PTCHD1: variants seen among roughly 807,000 people sequenced by gnomAD.
PTCHD1 encodes patched domain containing 1.
PTCHD1 carries 3 observed loss-of-function variants against 34.6 expected under a neutral mutation model. That is an observed-to-expected ratio of 0.09 (90% CI 0.04 to 0.22). The LOEUF (loss-of-function observed/expected upper bound fraction) is 0.22. PTCHD1 is among the 10% of genes least tolerant of loss of function. The pLI is 1.00. For synonymous variants in PTCHD1, 305 were observed against 283.1 expected, an observed-to-expected ratio of 1.08 and a Z score of -0.77; for missense variants, 504 against 685.5, an observed-to-expected ratio of 0.74 and a Z score of 2.96.
rs753716971 is a variant in PTCHD1, at chrX:23,335,178, C to A, written c.303C>A (p.Phe101Leu). 2.5e-6 allele frequency: 3 copies of A among 1,211,949 alleles called. No homozygotes were observed. The highest frequency in any genetic ancestry group is 2.2e-6 in the Non-Finnish European group (2 of 895,250). Residue 101 changes from phenylalanine (F) to leucine (L), a missense_variant, in exon 1 of 3, where the codon TTC becomes TTA. By Grantham distance (22) the Phe-to-Leu change is conservative. Coordinates refer to ENST00000379361, the MANE Select transcript of PTCHD1 (RefSeq NM_173495.3). ...ACGGCCGGGTCATCGTCACCTCCTTCCAGAAAGCCAACATGCTGGACCAGC... is the reference window on the plus strand; with the variant it reads ...ACGGCCGGGTCATCGTCACCTCCTTACAGAAAGCCAACATGCTGGACCAGC... Reference protein sequence around the residue: ...GRYGRVIVTSFQKANMLDQHH... With the variant: ...GRYGRVIVTSLQKANMLDQHH...
chrX:23,342,214 A>C (rs1921327452), intron 1 of PTCHD1, among the ~76,000 whole-genome samples: 1 of 100,095 alleles, frequency 1.0e-5, no homozygotes, highest in Admixed American at 1.1e-4. Flanking sequence ...GGCTGATTCA[A>C]CTACATTTAG....
At chrX:23,337,806 T>C (rs936981230) in intron 1 of PTCHD1, among the ~76,000 whole-genome samples, 1 of 110,527 alleles carries the variant, frequency 9.0e-6, no homozygotes, top group Non-Finnish European at 1.9e-5. Flanking sequence ...TGTAGGGCTG[T>C]GTAGGGTGTT....
intron 1 of PTCHD1, chrX:23,351,178 T>C (rs1921623501): frequency 6.0e-6 from 4 of 669,724 alleles, no homozygotes; most frequent in Non-Finnish European, 9.6e-6. Context: ...CCAAACTCCA[T>C]CTGTTGCTCA....
chrX:23,364,371 GACACACACACACACACACAC>G (rs200572986), intron 1 of PTCHD1, among the ~76,000 whole-genome samples: 29 of 91,994 alleles, frequency 3.2e-4, no homozygotes, highest in South Asian at 1.1e-3. Flanking sequence ...GAAGAGTGTA[GACACACACACACACACACAC>G]ACACACACAC....
rs752692580 is a variant in PTCHD1, at chrX:23,334,891, C to T, written c.16C>T (p.Leu6=). Residue 6 remains leucine, a synonymous_variant, in exon 1 of 3, where the codon CTG becomes TTG. Coordinates refer to ENST00000379361, the MANE Select transcript of PTCHD1 (RefSeq NM_173495.3). MLRQV[L]HRGLRTCFSR... Reference sequence around the variant, plus strand: ...CTGCTCTAGGATGCTGCGGCAGGTTCTGCACAGGGGCTTGAGGACGTGTTT... The same window carrying T: ...CTGCTCTAGGATGCTGCGGCAGGTTTTGCACAGGGGCTTGAGGACGTGTTT... The T allele has an allele frequency of 1.7e-6, 2 of 1,199,122 alleles. No homozygotes were observed. Among genetic ancestry groups the T allele is most frequent in the African/African-American group, 1.7e-5 (1 of 57,445 alleles).
intron 1 of PTCHD1, chrX:23,351,024 C>T: frequency 5.7e-6 from 2 of 349,227 alleles, no homozygotes; most frequent in Non-Finnish European, 1.0e-5. Flanking sequence ...GCTCTGTCTA[C>T]TTTTCCTATC....
intron 1 of PTCHD1, among the ~76,000 whole-genome samples, chrX:23,354,426 T>TAC (rs1341256634): frequency 3.4e-5 from 3 of 89,274 alleles, no homozygotes; most frequent in Admixed American, 1.2e-4. Context: ...CAGCTTATTT[T>TAC]ACACAGAGAG....
Position 23,395,546 on chromosome X carries a change from A to C in PTCHD1, c.*1361A>C, listed in dbSNP as rs1490811793. 1 of 111,573 alleles carries C rather than the reference A, an allele frequency of 9.0e-6. No individual in the cohort carries two copies. Among genetic ancestry groups the C allele is most frequent in the South Asian group, 3.8e-4 (1 of 2,609 alleles). The allele number at this position is 111,573 out of a possible 1,213,427, so 9.2% of individuals were successfully genotyped here. Reference sequence around the variant, plus strand: ...TTTTTTGATGTCCTTCTGCGTCATCATAGCAAGGCCCTTCTGTAAATTAAC... The same window carrying C: ...TTTTTTGATGTCCTTCTGCGTCATCCTAGCAAGGCCCTTCTGTAAATTAAC... On this transcript the variant is annotated 3_prime_UTR_variant, in exon 3 of 3. Transcript: ENST00000379361.
At chrX:23,362,391 A>G (rs1922012613) in intron 1 of PTCHD1, among the ~76,000 whole-genome samples, 1 of 111,795 alleles carries the variant, frequency 8.9e-6, no homozygotes, top group Admixed American at 9.5e-5. Context: ...GCTTTATTTC[A>G]TTAATTTGAT....
chrX:23,391,498 A>G (rs1432414669), intron 2 of PTCHD1, among the ~76,000 whole-genome samples: 2 of 111,284 alleles, frequency 1.8e-5, no homozygotes, highest in African/African-American at 6.5e-5. Flanking sequence ...CTTCACTCCT[A>G]CTTATTTTGC....
intron 1 of PTCHD1, among the ~76,000 whole-genome samples, chrX:23,356,028 CTTTT>C (rs1366324106): frequency 8.9e-6 from 1 of 111,787 alleles, no homozygotes; most frequent in East Asian, 2.8e-4. Context: ...TGTTTGTTTG[CTTTT>C]TTGTTTGCTT....
chrX:23,392,763 C>G lies in PTCHD1; in HGVS notation c.1245C>G (p.Leu415=). 3.3e-6 allele frequency: 4 copies of G among 1,211,242 alleles called. No individual in the cohort carries two copies. Among genetic ancestry groups the G allele is most frequent in the East Asian group, 3.0e-5 (1 of 33,862 alleles). ...NSCIAIFFNY[L]YVLSFYGSSL... ...GTATTGCAATCTTCTTCAACTACCT[C>G]TATGTACTCTCGTTTTATGGTTCCA... The change falls in exon 3 of 3, where the codon CTC becomes CTG. Residue 415 remains leucine (L), a synonymous_variant. Coordinates refer to ENST00000379361, the MANE Select transcript of PTCHD1 (RefSeq NM_173495.3).
chrX:23,338,781 G>A (rs1342126186), intron 1 of PTCHD1, among the ~76,000 whole-genome samples: 1 of 111,484 alleles, frequency 9.0e-6, no homozygotes, highest in Non-Finnish European at 1.9e-5. Context: ...GATTTAAAAT[G>A]TACATTTTTG....
At chrX:23,347,924 C>A (rs1191668562) in intron 1 of PTCHD1, among the ~76,000 whole-genome samples, 2 of 111,815 alleles carry the variant, frequency 1.8e-5, no homozygotes, top group Non-Finnish European at 3.8e-5. Context: ...ACAGGAGGGT[C>A]ATTTGACCCC....
intron 1 of PTCHD1, among the ~76,000 whole-genome samples, chrX:23,368,270 T>A (rs1245550365): frequency 8.9e-6 from 1 of 112,284 alleles, no homozygotes; most frequent in African/African-American, 3.2e-5. Flanking sequence ...TGCTCTTATT[T>A]TTTTAGATTA....
At position 23,394,320 on chromosome X, in the gene PTCHD1, A is replaced by G. The variant is rs931246640; in HGVS notation, c.*135A>G. 2.1e-6 allele frequency: 1 copy of G among 487,595 alleles called. No homozygotes were observed. The highest frequency in any genetic ancestry group is 2.5e-5 in the African/African-American group (1 of 39,808). The allele number at this position is 487,595 out of a possible 1,213,427, so 40.2% of individuals were successfully genotyped here. A position where few individuals can be genotyped will look rare whatever the true frequency, so the allele number is the denominator to read the frequency against. On this transcript the variant is annotated 3_prime_UTR_variant, in exon 3 of 3. Transcript: ENST00000379361. ...GCATTGCCAAAAAAAAAAAAAAAAA[A>G]AAAAGGAAAGGACAGTGGGGAGAAA...
At chrX:23,338,204 G>A (rs997240180) in intron 1 of PTCHD1, among the ~76,000 whole-genome samples, 3 of 111,795 alleles carry the variant, frequency 2.7e-5, no homozygotes, top group African/African-American at 9.8e-5. Context: ...AAAGTGGGTA[G>A]GACCTGGTGG....
chrX:23,366,245 C>G (rs190662089), intron 1 of PTCHD1, among the ~76,000 whole-genome samples: 43 of 112,153 alleles, frequency 3.8e-4, no homozygotes, highest in Non-Finnish European at 1.1e-4. Flanking sequence ...CACTCTTCAT[C>G]CTTTCCAATG....
At chrX:23,379,054 G>T (rs1386455206) in intron 1 of PTCHD1, among the ~76,000 whole-genome samples, 1 of 111,890 alleles carries the variant, frequency 8.9e-6, no homozygotes, top group Non-Finnish European at 1.9e-5. Context: ...AGATCATTTA[G>T]TTGCCCTGCA....
Sources: allele counts gnomAD v4.1 joint callset (sites outside exome capture counted in the v4.1 genomes callset), GRCh38; gene constraint gnomAD v4.1.1; transcripts MANE v1.5; gene names NCBI Gene and HGNC (gene_info 2026-07-23, HGNC 2026-07-21).